Variants in PKHD1L1 observed in about 807,000 individuals in gnomAD.
PKHD1L1 encodes fibrocystin-L.
Under a neutral mutation model 462.9 loss-of-function variants are expected in PKHD1L1, and 434 were observed. The observed-to-expected ratio is 0.94, with a 90% CI of 0.87 to 1.02. PKHD1L1 has a LOEUF of 1.02. PKHD1L1 is among the 50% of genes least tolerant of loss of function. The probability of loss-of-function intolerance (pLI) is 0.00; values close to 1 mark genes in which losing one functional copy is unlikely to be tolerated. For missense variants in PKHD1L1, 5,202 were observed against 5,096.1 expected, an observed-to-expected ratio of 1.02 and a Z score of -0.63; for synonymous variants, 1,781 against 1,750.0, an observed-to-expected ratio of 1.02 and a Z score of -0.44.
Position 109,504,361 on chromosome 8 carries a change from A to G in PKHD1L1, c.10863A>G (p.Ser3621=). The G allele has an allele frequency of 6.7e-7, 1 of 1,487,456 alleles. No homozygotes were observed. The allele number at this position is 1,487,456 out of a possible 1,614,324, so 92.1% of individuals were successfully genotyped here. ...TTGTTGGATTTAAGAATGTTTGTTC[A>G]GGGGAAACTAATGTTATATTCATTA... The part of the protein sequence containing the change: ...STFVGFKNVC[S]GETNVIFITN... The change falls in exon 68 of 78, where the codon TCA becomes TCG. Residue 3621 remains serine, a synonymous_variant. Coordinates refer to ENST00000378402, the MANE Select transcript of PKHD1L1 (RefSeq NM_177531.6).
rs754124635 is a variant in PKHD1L1, at chr8:109,394,402, CT to C, written c.741-6del. 5.3e-5 allele frequency: 76 copies of C among 1,444,274 alleles called. No individual in the cohort carries two copies. The highest frequency in any genetic ancestry group is 1.9e-4 in the Middle Eastern group (1 of 5,374). The allele number at this position is 1,444,274 out of a possible 1,614,324, so 89.5% of individuals were successfully genotyped here. On this transcript the variant is annotated splice_polypyrimidine_tract_variant and intron_variant, in intron 9 of 77. Transcript: ENST00000378402. ...GATCATTTAAAGCAGAAAATTTAAT[CT>C]TTTTTTAACAGGAGTTTTCCACAGA... is the stretch of plus-strand genomic sequence containing the variant.
intron 59 of PKHD1L1, among the ~76,000 whole-genome samples, chr8:109,489,345 T>G (rs1818711977): frequency 1.3e-5 from 2 of 152,110 alleles, no homozygotes; most frequent in South Asian, 4.1e-4. Context: ...AACCCCATAT[T>G]GCCTGTTATG....
chr8:109,400,006 C>T, intron 12 of PKHD1L1, 70 bp from the exon 13 acceptor site: 1 of 1,457,400 alleles, frequency 6.9e-7, no homozygotes, highest in Non-Finnish European at 9.3e-7. Context: ...AACCAACATC[C>T]AAATAGAAAG....
At chr8:109,461,721 T>C in intron 47 of PKHD1L1, 51 bp from the exon 48 acceptor site, 1 of 1,553,402 alleles carries the variant, frequency 6.4e-7, no homozygotes, top group Non-Finnish European at 8.7e-7. Context: ...ATCTTCAATA[T>C]AAGAGGATTC....
chr8:109,479,071 A>G (rs1481039225), intron 53 of PKHD1L1, among the ~76,000 whole-genome samples: 1 of 152,156 alleles, frequency 6.6e-6, no homozygotes, highest in East Asian at 1.9e-4. Context: ...ATTAATAAGA[A>G]TGAAGGGCTA....
At chr8:109,420,496 T>G in intron 22 of PKHD1L1, 22 bp from the exon 23 acceptor site, 1 of 1,464,238 alleles carries the variant, frequency 6.8e-7, no homozygotes, top group Non-Finnish European at 9.1e-7. Flanking sequence ...ACCAACCTAA[T>G]ATTTTTATTT....
chr8:109,459,948 A>C, intron 47 of PKHD1L1, 112 bp downstream of exon 47: 1 of 873,926 alleles, frequency 1.1e-6, no homozygotes, highest in Non-Finnish European at 1.6e-6. Flanking sequence ...ATATCATTAA[A>C]TATAATTTAA....
rs1205903036 is a variant in PKHD1L1, at chr8:109,384,114, A to G, written c.462A>G (p.Leu154=). 1 of 1,610,760 alleles carries G rather than the reference A, an allele frequency of 6.2e-7. No homozygotes were observed. The change falls in exon 5 of 78, where the codon TTA becomes TTG. Residue 154 remains leucine (L), a synonymous_variant. Transcript: ENST00000378402. ...RTPTIRSITP[L]SGTPGTLITI... ...CAACAATAAGAAGCATCACACCTTT[A>G]TCTGGAACTCCAGGTCTGTTATATG...
intron 67 of PKHD1L1, among the ~76,000 whole-genome samples, chr8:109,500,673 C>CAAAAAAAAAAAAAAAA (rs34827783): frequency 6.4e-5 from 3 of 47,188 alleles, no homozygotes; most frequent in Middle Eastern, 0.014. Context: ...AACTCTGTCT[C>CAAAAAAAAAAAAAAAA]AAAAAAAAAA....
At position 109,439,018 on chromosome 8, in the gene PKHD1L1, C is replaced by A. The variant is rs755235397; in HGVS notation, c.3882C>A (p.Cys1294Ter). The A allele has an allele frequency of 1.2e-6, 2 of 1,613,558 alleles. No homozygotes were observed. Among genetic ancestry groups the A allele is most frequent in the South Asian group, 1.1e-5 (1 of 91,058 alleles). The part of the protein sequence containing the change: ...ILHWNFTDIR[C>*]LLPKLSPGKH... ...ACTGGAACTTCACAGATATTAGATG[C>A]CTTTTGCCCAAGTTGTCTCCTGGAA... is the stretch of plus-strand genomic sequence containing the variant. Residue 1294 changes from cysteine (C) to a stop codon, truncating the protein, a stop_gained, in exon 32 of 78, where the codon TGC becomes TGA. Coordinates refer to ENST00000378402, the MANE Select transcript of PKHD1L1 (RefSeq NM_177531.6). LOFTEE classifies it high-confidence loss of function.
Position 109,483,041 on chromosome 8 carries a change from A to G in PKHD1L1, c.9512A>G (p.Lys3171Arg). ...ATTCCACATTCAATATATAAAACTAAGCTCTCAGAAACTGCATTTGCAGGT... is the reference window on the plus strand; with the variant it reads ...ATTCCACATTCAATATATAAAACTAGGCTCTCAGAAACTGCATTTGCAGGT... ...HGIPHSIYKTKLSETAFAGSK... is the reference protein window; with the variant it reads ...HGIPHSIYKTRLSETAFAGSK... The change falls in exon 57 of 78, where the codon AAG becomes AGG. Residue 3171 changes from lysine (K) to arginine (R), a missense_variant. Physicochemically the swap from Lys to Arg is conservative, Grantham distance 26. Around this residue, in one of 3 missense-constraint regions of PKHD1L1, gnomAD observed 4,497 missense variants for 4,336.8 expected, o/e 1.04. Transcript: ENST00000378402. The G allele has an allele frequency of 6.2e-7, 1 of 1,601,824 alleles. No homozygotes were observed. Among genetic ancestry groups the G allele is most frequent in the Non-Finnish European group, 8.5e-7 (1 of 1,174,166 alleles).
At chr8:109,384,259 C>A in intron 5 of PKHD1L1, 132 bp downstream of exon 5, 1 of 754,352 alleles carries the variant, frequency 1.3e-6, no homozygotes, top group Non-Finnish European at 2.1e-6. Flanking sequence ...TAACTATCAG[C>A]CAGGCGCGGT....
intron 50 of PKHD1L1, among the ~76,000 whole-genome samples, chr8:109,471,560 AC>A (rs1247508030): frequency 6.6e-6 from 1 of 152,214 alleles, no homozygotes; most frequent in Non-Finnish European, 1.5e-5. Flanking sequence ...AACACATGAT[AC>A]CAGCAGCAAC....
chr8:109,455,321 G>C (rs1816757966), intron 45 of PKHD1L1, among the ~76,000 whole-genome samples: 1 of 152,188 alleles, frequency 6.6e-6, no homozygotes, highest in African/African-American at 2.4e-5. Context: ...CTGGGCAATA[G>C]AGTGAGACTC....
intron 24 of PKHD1L1, among the ~76,000 whole-genome samples, chr8:109,425,497 C>A (rs1402689863): frequency 6.6e-6 from 1 of 151,644 alleles, no homozygotes; most frequent in Non-Finnish European, 1.5e-5. Flanking sequence ...AATACTTCAC[C>A]CATCCAAAGC....
At chr8:109,406,213 T>G in intron 16 of PKHD1L1, 122 bp from the exon 17 acceptor site, 1 of 835,430 alleles carries the variant, frequency 1.2e-6, no homozygotes, top group Non-Finnish European at 1.7e-6. Context: ...AGTGATAACT[T>G]ACATGGTACA....
intron 25 of PKHD1L1, among the ~76,000 whole-genome samples, chr8:109,428,930 A>C (rs538350252): frequency 1.3e-5 from 2 of 152,340 alleles, no homozygotes; most frequent in African/African-American, 4.8e-5. Context: ...TACAAGGAAA[A>C]GTTGACTCTC....
intron 6 of PKHD1L1, among the ~76,000 whole-genome samples, chr8:109,387,580 T>G (rs1812503370): frequency 6.6e-6 from 1 of 152,170 alleles, no homozygotes. Context: ...AACCTATAAG[T>G]GTTAGCTCCT....
In PKHD1L1 at chr8:109,401,576, A is replaced by G. The variant is rs1316571987; in HGVS notation, c.1361A>G (p.Gln454Arg). 1 of 1,560,040 alleles carries G rather than the reference A, an allele frequency of 6.4e-7. No individual in the cohort carries two copies. The highest frequency in any genetic ancestry group is 8.8e-7 in the Non-Finnish European group (1 of 1,134,214). ...CAAAGATCAGATGATATTCATCTGC[A>G]GAAAGGAAAAGAGTAAGGCTTTTTC... is the stretch of plus-strand genomic sequence containing the variant. ...PTQRSDDIHL[Q>R]KGKEYYIEIL... is the part of the protein sequence containing the mutation. Residue 454 changes from glutamine to arginine, a missense_variant, in exon 14 of 78, where the codon CAG becomes CGG. By Grantham distance (43) the Gln-to-Arg change is conservative (BLOSUM62 1). This residue lies in a region of PKHD1L1 where 4,497 missense variants were observed against 4,336.8 expected (regional missense o/e 1.04). Coordinates refer to ENST00000378402, the MANE Select transcript of PKHD1L1 (RefSeq NM_177531.6).
Sources: gnomAD v4.1 joint callset for allele counts (sites outside exome capture counted in the v4.1 genomes callset) on GRCh38, gnomAD v4.1.1 for gene constraint, gnomAD v4.1.1 regional missense constraint, MANE v1.5 for transcripts, NCBI Gene and HGNC (gene_info 2026-07-23, HGNC 2026-07-21) for gene names.